The following SKP2 variants were observed in gnomAD, a reference collection of about 807,000 sequenced individuals.
SKP2 encodes the protein S-phase kinase-associated protein 2.
SKP2 carries 16 observed loss-of-function variants against 51.8 expected under a neutral mutation model. The observed-to-expected ratio is 0.31, with a 90% CI of 0.21 to 0.47. The LOEUF is 0.47. Ranked by LOEUF, SKP2 falls within the 20% of genes least tolerant of loss-of-function variation. The probability of loss-of-function intolerance (pLI) is 1.00; values close to 1 mark genes in which losing one functional copy is unlikely to be tolerated. For synonymous variants in SKP2, 176 were observed against 198.6 expected, an observed-to-expected ratio of 0.89 and a Z score of 0.96; for missense variants, 377 against 505.3, an observed-to-expected ratio of 0.75 and a Z score of 2.43.
downstream of SKP2, among the ~76,000 whole-genome samples, chr5:36,185,563 A>C (rs1474332189): frequency 4.1e-4 from 63 of 152,262 alleles, no homozygotes; most frequent in Non-Finnish European, 5.9e-5. Flanking sequence ...AGATGGTTGT[A>C]CATGTGTGGT....
intron 2 of SKP2, among the ~76,000 whole-genome samples, chr5:36,156,148 G>A (rs565518412): frequency 5.9e-5 from 9 of 152,204 alleles, no homozygotes. Flanking sequence ...ACCAATGTAC[G>A]TGGACTTACA....
At position 36,152,761 on chromosome 5, in the gene SKP2, A is replaced by C; in HGVS notation, c.9-10A>C. On this transcript the variant is annotated splice_polypyrimidine_tract_variant and intron_variant, in intron 1 of 9. Coordinates refer to ENST00000274255, the MANE Select transcript of SKP2 (RefSeq NM_005983.4). ...TCGAAAGGAACCGGGGGTATTGTGC[A>C]CTTCTGCAGGAAGCACCTCCAGGAG... is the stretch of plus-strand genomic sequence containing the variant. 1 of 1,611,426 alleles carries C rather than the reference A, an allele frequency of 6.2e-7. No homozygotes were observed. Among genetic ancestry groups the C allele is most frequent in the Non-Finnish European group, 8.5e-7 (1 of 1,178,904 alleles).
At chr5:36,169,752 T>C (rs1200862753) in intron 5 of SKP2, among the ~76,000 whole-genome samples, 1 of 152,224 alleles carries the variant, frequency 6.6e-6, no homozygotes, top group Admixed American at 6.5e-5. Flanking sequence ...TGTGATCTTG[T>C]TTCCTTTTTA....
intron 9 of SKP2, among the ~76,000 whole-genome samples, chr5:36,178,934 G>A (rs958724418): frequency 2.6e-5 from 4 of 152,212 alleles, no homozygotes; most frequent in Admixed American, 2.0e-4. Context: ...ATAATGGCAT[G>A]GTAATACTTG....
At chr5:36,170,196 T>G in intron 5 of SKP2, 148 bp from the exon 6 acceptor site, 1 of 468,542 alleles carries the variant, frequency 2.1e-6, no homozygotes, top group Non-Finnish European at 3.8e-6. Context: ...ATTATCCTGT[T>G]TGATGTCTGA....
At chr5:36,161,533 C>T (rs1469566100) in intron 2 of SKP2, among the ~76,000 whole-genome samples, 2 of 152,164 alleles carry the variant, frequency 1.3e-5, no homozygotes, top group Non-Finnish European at 2.9e-5. Context: ...TTACAGGTAG[C>T]TCCAAATGGC....
rs892167499 is a variant in SKP2, at chr5:36,182,179, C to T, written c.*148C>T. 44 of 1,423,114 alleles carry T rather than the reference C, an allele frequency of 3.1e-5. No individual in the cohort carries two copies. Among genetic ancestry groups the T allele is most frequent in the Middle Eastern group, 5.1e-4 (2 of 3,888 alleles). The allele number at this position is 1,423,114 out of a possible 1,614,324, so 88.2% of individuals were successfully genotyped here. Reference sequence around the variant, plus strand: ...CTAGGGAGCCATTTGAGAGGGAAAACTATGAAATCTTGCTTTTTGAAATGA... The same window carrying T: ...CTAGGGAGCCATTTGAGAGGGAAAATTATGAAATCTTGCTTTTTGAAATGA... On this transcript the variant is annotated 3_prime_UTR_variant, in exon 10 of 10. Transcript: ENST00000274255.
downstream of SKP2, among the ~76,000 whole-genome samples, chr5:36,187,737 G>A (rs959897700): frequency 2.4e-4 from 36 of 152,228 alleles, no homozygotes; most frequent in Non-Finnish European, 7.3e-5. Flanking sequence ...GAGTTCTGTA[G>A]ATGTCTATTA....
At position 36,152,112 on chromosome 5, in the gene SKP2, G is replaced by A; in HGVS notation, c.-151G>A. 1 of 753,310 alleles carries A rather than the reference G, an allele frequency of 1.3e-6. No individual in the cohort carries two copies. The highest frequency in any genetic ancestry group is 2.3e-6 in the Non-Finnish European group (1 of 436,500). 46.7% of individuals were successfully genotyped at this position (753,310 alleles called of 1,614,324 possible). On this transcript the variant is annotated 5_prime_UTR_variant, in exon 1 of 10. It adds an upstream start codon to the 5' untranslated region. Coordinates refer to ENST00000274255, the MANE Select transcript of SKP2 (RefSeq NM_005983.4). ...CGGGCTGTAGAGCCTTGCGCGCGCA[G>A]TGGGGATGGAACGTTGCTAGGCTTA...
chr5:36,191,089 A>G (rs538299352), intron 6 of SKP2, among the ~76,000 whole-genome samples: 15 of 152,268 alleles, frequency 9.9e-5, no homozygotes, highest in African/African-American at 3.6e-4. Flanking sequence ...CCTGTGTTCT[A>G]CATTCTGGAT....
intron 2 of SKP2, among the ~76,000 whole-genome samples, chr5:36,158,153 A>G (rs1745010695): frequency 6.6e-6 from 1 of 152,166 alleles, no homozygotes; most frequent in African/African-American, 2.4e-5. Flanking sequence ...TGGGCTCAGT[A>G]ATTATGTCTT....
downstream of SKP2, among the ~76,000 whole-genome samples, chr5:36,185,159 G>A (rs1032155522): frequency 1.8e-4 from 27 of 152,152 alleles, no homozygotes; most frequent in Non-Finnish European, 2.1e-4. Context: ...CTGGATATTA[G>A]CCGTTTGTCA....
At chr5:36,174,697 G>C (rs1745576425) in intron 7 of SKP2, among the ~76,000 whole-genome samples, 1 of 151,920 alleles carries the variant, frequency 6.6e-6, no homozygotes, top group African/African-American at 2.4e-5. Context: ...AGAGTAACCA[G>C]ATAGAATGTG....
In SKP2 at chr5:36,182,362, G is replaced by A. The variant is rs1745838464; in HGVS notation, c.*331G>A. The A allele has an allele frequency of 1.9e-6, 2 of 1,049,822 alleles. No homozygotes were observed. The highest frequency in any genetic ancestry group is 7.8e-5 in the South Asian group (2 of 25,506). The allele number at this position is 1,049,822 out of a possible 1,614,324, so 65.0% of individuals were successfully genotyped here. On this transcript the variant is annotated 3_prime_UTR_variant, in exon 10 of 10. Coordinates refer to ENST00000274255, the MANE Select transcript of SKP2 (RefSeq NM_005983.4). ...TCTTACTAAGTCTATTCAGAATCAA[G>A]CTTAAAAATTACCACCAGCAAACAA...
downstream of SKP2, among the ~76,000 whole-genome samples, chr5:36,185,353 G>C (rs893674719): frequency 2.0e-5 from 3 of 152,166 alleles, no homozygotes; most frequent in Admixed American, 6.5e-5. Flanking sequence ...GTCCTGAATG[G>C]TATTGCCTAG....
At chr5:36,158,852 AC>A (rs756251869) in intron 2 of SKP2, among the ~76,000 whole-genome samples, 13 of 152,160 alleles carry the variant, frequency 8.5e-5, no homozygotes, top group Admixed American at 3.9e-4. Context: ...TCTCCCAGAG[AC>A]TACAGCTATA....
chr5:36,152,181 C>A lies in SKP2; in HGVS notation c.-82C>A. On this transcript the variant is annotated 5_prime_UTR_variant, in exon 1 of 10. Transcript: ENST00000274255. ...GGCCCGAGCAGCACGCTCGGAGCCG[C>A]CGCGCGCCAAAGCGGGAATCTGGGA... 2 of 1,509,992 alleles carry A rather than the reference C, an allele frequency of 1.3e-6. No individual in the cohort carries two copies. The highest frequency in any genetic ancestry group is 1.8e-6 in the Non-Finnish European group (2 of 1,086,858). 93.5% of individuals were successfully genotyped at this position (1,509,992 alleles called of 1,614,324 possible). A position where few individuals can be genotyped will look rare whatever the true frequency, so the allele number is the denominator to read the frequency against.
intron 8 of SKP2, 33 bp from the exon 9 acceptor site, chr5:36,177,152 T>A: frequency 6.9e-7 from 1 of 1,452,284 alleles, no homozygotes; most frequent in Non-Finnish European, 9.7e-7. Context: ...CAATGTGTGA[T>A]TTTCAATATC....
chr5:36,191,207 C>T (rs542436548), intron 6 of SKP2, among the ~76,000 whole-genome samples: 265 of 152,188 alleles, frequency 1.7e-3, no homozygotes, highest in African/African-American at 6.2e-3. Flanking sequence ...TTCCCCCACC[C>T]AGGAGATACT....
Sources: gnomAD v4.1 joint callset for allele counts (sites outside exome capture counted in the v4.1 genomes callset) on GRCh38, gnomAD v4.1.1 for gene constraint, MANE v1.5 for transcripts, NCBI Gene and HGNC (gene_info 2026-07-23, HGNC 2026-07-21) for gene names.